Variants in ZNF141 observed in about 807,000 individuals in gnomAD.
ZNF141 encodes the protein zinc finger protein 141 (clone pHZ-44).
In ZNF141, 7 loss-of-function variants were observed where a neutral mutation model predicts 11.3. The observed-to-expected ratio is 0.62, with a 90% CI of 0.35 to 1.16. The LOEUF is 1.16. ZNF141 is among the 50% of genes most tolerant of loss of function. ZNF141 has a pLI of 0.02. For missense variants in ZNF141, 535 were observed against 554.0 expected (o/e 0.97, Z 0.34); for synonymous variants, 183 against 190.7 (o/e 0.96, Z 0.33).
At position 382,968 on chromosome 4, in the gene ZNF141, C is replaced by T. The variant is rs535592909; in HGVS notation, c.*9106C>T. 1.2e-4 allele frequency: 59 copies of T among 501,656 alleles called. No individual in the cohort carries two copies. The highest frequency in any genetic ancestry group is 8.0e-4 in the African/African-American group (41 of 51,252). The allele number at this position is 501,656 out of a possible 1,614,324, so 31.1% of individuals were successfully genotyped here. A position where few individuals can be genotyped will look rare whatever the true frequency, so the allele number is the denominator to read the frequency against. On this transcript the variant is annotated 3_prime_UTR_variant, in exon 4 of 4. Transcript: ENST00000240499. ...TGTCCTTGGAAATGGCTTTTATAGT[C>T]GTTCCTATCAAGAGACAGATTCTGT...
At chr4:338,263 C>G (rs1009631190) in intron 1 of ZNF141, 7 of 411,456 alleles carry the variant, frequency 1.7e-5, no homozygotes, top group South Asian at 1.4e-4. Context: ...GCCCGCGCGG[C>G]GTGCGCGATG....
In ZNF141 at chr4:379,091, C is replaced by T. The variant is rs572630224; in HGVS notation, c.*5229C>T. On this transcript the variant is annotated 3_prime_UTR_variant, in exon 4 of 4. Coordinates refer to ENST00000240499, the MANE Select transcript of ZNF141 (RefSeq NM_003441.4). ...AGCTCCTGTCCTCGTGATCCACGCA[C>T]GTCAGCCTCCCAAAGTGCTGGGATT... Among the ~76,000 whole-genome samples, 5 of 152,182 alleles carry T rather than the reference C, an allele frequency of 3.3e-5. No individual in the cohort carries two copies. Among genetic ancestry groups the T allele is most frequent in the African/African-American group, 4.8e-5 (2 of 41,550 alleles).
intron 3 of ZNF141, among the ~76,000 whole-genome samples, chr4:369,035 T>G (rs1553853196): frequency 6.6e-6 from 1 of 152,216 alleles, no homozygotes; most frequent in East Asian, 1.9e-4. Flanking sequence ...ATATTCTGTC[T>G]TGTTTCATTA....
intron 3 of ZNF141, among the ~76,000 whole-genome samples, chr4:366,608 A>G (rs782088455): frequency 9.2e-5 from 14 of 151,556 alleles, no homozygotes; most frequent in Non-Finnish European, 1.6e-4. Context: ...AGCATTATCA[A>G]TGTTTTATAA....
intron 1 of ZNF141, 150 bp downstream of exon 1, chr4:338,136 C>A: frequency 2.0e-6 from 2 of 1,000,358 alleles, no homozygotes; most frequent in Non-Finnish European, 2.9e-6. Context: ...ACCTGGGCTC[C>A]TGTCGGTCCC....
At position 337,875 on chromosome 4, in the gene ZNF141, T is replaced by A; in HGVS notation, c.-109T>A. On this transcript the variant is annotated 5_prime_UTR_variant, in exon 1 of 4. The change creates a new upstream start codon in the 5' untranslated region. Coordinates refer to ENST00000240499, the MANE Select transcript of ZNF141 (RefSeq NM_003441.4). ...GGGCTTCATCTCTCTGCGTTCTCAG[T>A]TGTGGGAGGCCTTGGTGATTCGGCC... 1.4e-6 allele frequency: 2 copies of A among 1,406,000 alleles called. No individual in the cohort carries two copies. The highest frequency in any genetic ancestry group is 1.9e-5 in the Admixed American group (1 of 53,896). 87.1% of individuals were successfully genotyped at this position (1,406,000 alleles called of 1,614,324 possible). A position where few individuals can be genotyped will look rare whatever the true frequency, so the allele number is the denominator to read the frequency against.
chr4:378,823 A>G lies in ZNF141; in HGVS notation c.*4961A>G, dbSNP rs1235892952. On this transcript the variant is annotated 3_prime_UTR_variant, in exon 4 of 4. Coordinates refer to ENST00000240499, the MANE Select transcript of ZNF141 (RefSeq NM_003441.4). ...ATTATGGCAGCTGTTGAATCCAAACAGTTTCTCAGTGATTTTTTTTTTTTT... is the reference window on the plus strand; with the variant it reads ...ATTATGGCAGCTGTTGAATCCAAACGGTTTCTCAGTGATTTTTTTTTTTTT... 7.0e-6 allele frequency among the ~76,000 whole-genome samples: 1 copy of G among 142,788 alleles called. No homozygotes were observed. Among genetic ancestry groups the G allele is most frequent in the Non-Finnish European group, 1.5e-5 (1 of 66,406 alleles). The allele number at this position is 142,788 out of a possible 152,430, so 93.7% of individuals were successfully genotyped here.
In ZNF141 at chr4:353,463, A is replaced by ATT. The variant is rs782000820; in HGVS notation, c.226+9034_226+9035dup. 6.9e-4 allele frequency among the ~76,000 whole-genome samples: 94 copies of ATT among 135,472 alleles called. 2 individuals carry two copies. The highest frequency in any genetic ancestry group is 3.7e-3 in the South Asian group (16 of 4,316). The allele number at this position is 135,472 out of a possible 152,430, so 88.9% of individuals were successfully genotyped here. On this transcript the variant is annotated intron_variant, in intron 3 of 3. Coordinates refer to ENST00000240499, the MANE Select transcript of ZNF141 (RefSeq NM_003441.4). ...AGTTTATTAATTTATTATTATTATT[A>ATT]TTATTTTTTTTTTTTTGGAGACAGA... is the stretch of plus-strand genomic sequence containing the variant.
In ZNF141 at chr4:342,888, G is replaced by A. The variant is rs554008118; in HGVS notation, c.4-894G>A. 1.2e-5 allele frequency: 19 copies of A among 1,605,550 alleles called. No individual in the cohort carries two copies. In the East Asian group the frequency reaches 4.2e-4, roughly 36 times the overall value. ...GAGTGACCTGAAGGTTGAACAGACTGCCGAAGTCCAAAAGCTTCAGCATTT... is the reference window on the plus strand; with the variant it reads ...GAGTGACCTGAAGGTTGAACAGACTACCGAAGTCCAAAAGCTTCAGCATTT... On this transcript the variant is annotated intron_variant, in intron 1 of 3. Transcript: ENST00000240499.
intron 3 of ZNF141, among the ~76,000 whole-genome samples, chr4:361,754 C>T (rs191379919): frequency 2.6e-5 from 4 of 152,266 alleles, no homozygotes; most frequent in South Asian, 2.1e-4. Context: ...ATATGTGCCA[C>T]GTTTTCTTAA....
In ZNF141 at chr4:378,835, ATTTTTTTTTTTT is replaced by A. The variant is rs570639890; in HGVS notation, c.*4989_*5000del. On this transcript the variant is annotated 3_prime_UTR_variant, in exon 4 of 4. Coordinates refer to ENST00000240499, the MANE Select transcript of ZNF141 (RefSeq NM_003441.4). ...GTTGAATCCAAACAGTTTCTCAGTG[ATTTTTTTTTTTT>A]TTTTTTTTTTTTTTTGAGATGGAGT... is the stretch of plus-strand genomic sequence containing the variant. Among the ~76,000 whole-genome samples the A allele has an allele frequency of 6.4e-5, 5 of 78,626 alleles. No homozygotes were observed. Among genetic ancestry groups the A allele is most frequent in the South Asian group, 5.2e-4 (1 of 1,914 alleles). The allele number at this position is 78,626 out of a possible 152,430, so 51.6% of individuals were successfully genotyped here. A position where few individuals can be genotyped will look rare whatever the true frequency, so the allele number is the denominator to read the frequency against.
At chr4:363,863 C>T (rs1487004364) in intron 3 of ZNF141, among the ~76,000 whole-genome samples, 29 of 151,948 alleles carry the variant, frequency 1.9e-4, no homozygotes, top group African/African-American at 6.8e-4. Context: ...GAGATACGTT[C>T]CATCAATACC....
At chr4:362,206 C>T (rs1711527228) in intron 3 of ZNF141, among the ~76,000 whole-genome samples, 1 of 152,110 alleles carries the variant, frequency 6.6e-6, no homozygotes, top group Non-Finnish European at 1.5e-5. Context: ...ATATCCTTTG[C>T]CCACTTTTTG....
intron 3 of ZNF141, among the ~76,000 whole-genome samples, chr4:347,378 C>G (rs797040602): frequency 8.0e-6 from 1 of 125,590 alleles, no homozygotes. Context: ...CTCTCTCTGT[C>G]GCCCAGGCTG....
chr4:346,839 G>A (rs965687015), intron 3 of ZNF141, among the ~76,000 whole-genome samples: 4 of 144,170 alleles, frequency 2.8e-5, no homozygotes, highest in Admixed American at 2.1e-4. Flanking sequence ...GTATGTGTGT[G>A]TATATATATA....
chr4:361,362 GT>G (rs1454754321), intron 3 of ZNF141, among the ~76,000 whole-genome samples: 5 of 144,232 alleles, frequency 3.5e-5, no homozygotes, highest in African/African-American at 1.3e-4. Flanking sequence ...CTTTGTTTTT[GT>G]AAGATGTGTC....
intron 1 of ZNF141, among the ~76,000 whole-genome samples, chr4:338,873 TGGCTGAGCCTG>T (rs1460053109): frequency 2.0e-5 from 3 of 152,188 alleles, no homozygotes; most frequent in Admixed American, 6.5e-5. Context: ...AAGAAAGACA[TGGCTGAGCCTG>T]GGCTGGAGGG....
In ZNF141 at chr4:372,751, A is replaced by C. The variant is rs1712131262; in HGVS notation, c.314A>C (p.Lys105Thr). 2 of 1,613,702 alleles carry C rather than the reference A, an allele frequency of 1.2e-6. No homozygotes were observed. Among genetic ancestry groups the C allele is most frequent in the Admixed American group, 3.3e-5 (2 of 59,960 alleles). The change falls in exon 4 of 4, where the codon AAA becomes ACA. Residue 105 changes from lysine to threonine, a missense_variant. Coordinates refer to ENST00000240499, the MANE Select transcript of ZNF141 (RefSeq NM_003441.4). ...AAACTTATACTGAGAAGATATGAGA[A>C]ATGTGGACATGATAATTTACAATTA... is the stretch of plus-strand genomic sequence containing the variant. ...FHKLILRRYE[K>T]CGHDNLQLRK...
chr4:350,860 C>T (rs1219252276), intron 3 of ZNF141, among the ~76,000 whole-genome samples: 1 of 152,034 alleles, frequency 6.6e-6, no homozygotes, highest in Non-Finnish European at 1.5e-5. Context: ...CTGCCTCAAC[C>T]TCCAGAGTAG....
Sources: allele counts gnomAD v4.1 joint callset (sites outside exome capture counted in the v4.1 genomes callset), GRCh38; gene constraint gnomAD v4.1.1; transcripts MANE v1.5; gene names NCBI Gene and HGNC (gene_info 2026-07-23, HGNC 2026-07-21).